The following GALNT14 variants were observed in gnomAD, a reference collection of about 807,000 sequenced individuals.
The protein encoded by GALNT14 is UDP-GalNAc:polypeptide N-acetylgalactosaminyltransferase 14.
In GALNT14, 60 loss-of-function variants were observed where a neutral mutation model predicts 77.5. That is an observed-to-expected ratio of 0.77 (90% CI 0.63 to 0.96). GALNT14 has a LOEUF of 0.96. Among genes scored for constraint, GALNT14 ranks in the 40% least tolerant of loss-of-function variants. The probability of loss-of-function intolerance (pLI) is 0.00; values close to 1 mark genes in which losing one functional copy is unlikely to be tolerated. For synonymous variants in GALNT14, 280 were observed against 281.7 expected (o/e 0.99, Z 0.06); for missense variants, 710 against 731.0 (o/e 0.97, Z 0.33).
At chr2:30,952,268 G>A (rs1667072916) in intron 6 of GALNT14, among the ~76,000 whole-genome samples, 1 of 152,072 alleles carries the variant, frequency 6.6e-6, no homozygotes, top group African/African-American at 2.4e-5. Context: ...ATAGAATTTT[G>A]GTTGATTCTA....
chr2:31,128,978 A>AC (rs11432638), intron 1 of GALNT14, among the ~76,000 whole-genome samples: 49,816 of 151,014 alleles, frequency 0.33, 11,063 homozygotes, highest in African/African-American at 0.64. Context: ...AAAAAAAAAA[A>AC]AAACACACAA....
intron 1 of GALNT14, among the ~76,000 whole-genome samples, chr2:31,004,405 G>T (rs1369917031): frequency 6.6e-6 from 1 of 152,226 alleles, no homozygotes; most frequent in African/African-American, 2.4e-5. Context: ...GGAGGGATTG[G>T]ATGTAGGTAG....
In GALNT14 at chr2:31,133,255, C is replaced by T. The variant is rs550048704; in HGVS notation, c.129+4703G>A. On this transcript the variant is annotated intron_variant, in intron 1 of 14. Coordinates refer to ENST00000349752, the MANE Select transcript of GALNT14 (RefSeq NM_024572.4). ...TGATACATTGGCTCTGTCTAGGAAG[C>T]GGGCAACAAGAACCCGTTGGACAGT... Among the ~76,000 whole-genome samples, 9 of 152,300 alleles carry T rather than the reference C, an allele frequency of 5.9e-5. No individual in the cohort carries two copies. In the East Asian group the frequency reaches 1.2e-3, roughly 20 times the overall value.
At chr2:31,127,716 G>T (rs1396653973) in intron 1 of GALNT14, among the ~76,000 whole-genome samples, 2 of 152,188 alleles carry the variant, frequency 1.3e-5, no homozygotes, top group Admixed American at 1.3e-4. Flanking sequence ...CTGCCAAGAA[G>T]TTTACCAAAA....
chr2:30,936,383 G>A (rs1394324824), intron 9 of GALNT14, among the ~76,000 whole-genome samples: 1 of 152,074 alleles, frequency 6.6e-6, no homozygotes, highest in Admixed American at 6.5e-5. Flanking sequence ...ACTGGTCAAG[G>A]TTCTAATTTC....
chr2:31,136,574 C>G (rs1679237085), intron 1 of GALNT14, among the ~76,000 whole-genome samples: 1 of 152,188 alleles, frequency 6.6e-6, no homozygotes, highest in African/African-American at 2.4e-5. Flanking sequence ...CTACCCATAG[C>G]ACCTAACACA....
In GALNT14 at chr2:30,934,298, T is replaced by A. The variant is rs28393426; in HGVS notation, c.932-2104A>T. Among the ~76,000 whole-genome samples the A allele has an allele frequency of 2.7e-3, 417 of 152,244 alleles. 1 individual carries two copies. Among genetic ancestry groups the A allele is most frequent in the African/African-American group, 9.6e-3 (400 of 41,552 alleles). On this transcript the variant is annotated intron_variant, in intron 9 of 14. Transcript: ENST00000349752. The stretch of plus-strand genomic sequence containing the variant: ...TCAGCACGTGTGAATTTCAGTCTCA[T>A]GTCTGTGCTCCAATCAACTCCTCTC...
chr2:30,954,166 G>A (rs1042892358), intron 6 of GALNT14, among the ~76,000 whole-genome samples: 1 of 152,170 alleles, frequency 6.6e-6, no homozygotes, highest in East Asian at 1.9e-4. Flanking sequence ...CCAGGGACAG[G>A]AAGGGCTTGG....
chr2:31,036,036 G>A (rs1168214155), intron 1 of GALNT14, among the ~76,000 whole-genome samples: 1 of 152,126 alleles, frequency 6.6e-6, no homozygotes, highest in African/African-American at 2.4e-5. Context: ...ATAATAAAGT[G>A]TGTGTCTTAT....
intron 1 of GALNT14, among the ~76,000 whole-genome samples, chr2:31,109,465 T>G (rs1181201886): frequency 1.3e-5 from 2 of 152,230 alleles, no homozygotes; most frequent in Admixed American, 6.5e-5. Flanking sequence ...AAGGAATGTC[T>G]GGCTTAAAAG....
chr2:31,076,742 A>T (rs1385023180), intron 1 of GALNT14, among the ~76,000 whole-genome samples: 1 of 152,060 alleles, frequency 6.6e-6, no homozygotes, highest in Non-Finnish European at 1.5e-5. Flanking sequence ...TGATTTAGAC[A>T]GTAAATATCA....
At chr2:31,076,843 T>C (rs1268223227) in intron 1 of GALNT14, among the ~76,000 whole-genome samples, 1 of 152,106 alleles carries the variant, frequency 6.6e-6, no homozygotes, top group Non-Finnish European at 1.5e-5. Flanking sequence ...TGTAAACTCA[T>C]ACTAGCCAAG....
At chr2:31,038,171 T>G (rs1423376077) in intron 1 of GALNT14, among the ~76,000 whole-genome samples, 1 of 144,756 alleles carries the variant, frequency 6.9e-6, no homozygotes, top group Non-Finnish European at 1.5e-5. Flanking sequence ...CTCAGCTTAC[T>G]GCAACCCCCG....
At chr2:31,109,342 C>T (rs750358570) in intron 1 of GALNT14, among the ~76,000 whole-genome samples, 4 of 152,152 alleles carry the variant, frequency 2.6e-5, no homozygotes, top group African/African-American at 7.2e-5. Flanking sequence ...TACTTCTCCA[C>T]GAGAAACAGA....
chr2:31,041,575 G>A (rs75060416), intron 1 of GALNT14, among the ~76,000 whole-genome samples: 3 of 152,206 alleles, frequency 2.0e-5, no homozygotes, highest in Admixed American at 1.3e-4. Flanking sequence ...GTGATGATGA[G>A]GTCAGAGAGG....
At chr2:31,083,757 T>C (rs1383925678) in intron 1 of GALNT14, among the ~76,000 whole-genome samples, 1 of 152,194 alleles carries the variant, frequency 6.6e-6, no homozygotes. Context: ...CATGGTTCAG[T>C]GGGCAGGCAC....
chr2:30,904,690 G>A, the GALNT14 span, among the ~76,000 whole-genome samples: 8 of 152,230 alleles, frequency 5.3e-5, no homozygotes, highest in Admixed American at 1.3e-4. Flanking sequence ...CAGGAAGCTC[G>A]AACTGGGCGG....
intron 2 of GALNT14, among the ~76,000 whole-genome samples, chr2:30,990,041 G>A (rs73923340): frequency 6.6e-6 from 1 of 151,888 alleles, no homozygotes; most frequent in Non-Finnish European, 1.5e-5. Flanking sequence ...AGCAGAGGTG[G>A]ATTCACAGCA....
intron 2 of GALNT14, among the ~76,000 whole-genome samples, chr2:30,968,737 A>G (rs1021852247): frequency 3.9e-5 from 6 of 152,270 alleles, no homozygotes; most frequent in African/African-American, 1.4e-4. Flanking sequence ...AGACACTGTG[A>G]AGATAATCGA....
Sources: gnomAD v4.1 joint callset for allele counts (sites outside exome capture counted in the v4.1 genomes callset) on GRCh38, gnomAD v4.1.1 for gene constraint, MANE v1.5 for transcripts, NCBI Gene and HGNC (gene_info 2026-07-23, HGNC 2026-07-21) for gene names.